Variants in NADK2 observed in about 807,000 individuals in gnomAD.
The protein encoded by NADK2 is NAD kinase 2, mitochondrial.
NADK2 carries 35 observed loss-of-function variants against 62.1 expected under a neutral mutation model. That is an observed-to-expected ratio of 0.56 (90% CI 0.43 to 0.75). NADK2 has a LOEUF of 0.75. NADK2 is among the 30% of genes least tolerant of loss of function. The pLI, the probability that NADK2 is intolerant of heterozygous loss-of-function variation, is 0.00. For synonymous variants in NADK2, 205 were observed against 207.9 expected, an observed-to-expected ratio of 0.99 and a Z score of 0.12; for missense variants, 439 against 561.3, an observed-to-expected ratio of 0.78 and a Z score of 2.20.
At chr5:36,200,419 A>T in intron 9 of NADK2, 139 bp from the exon 10 acceptor site, 1 of 377,318 alleles carries the variant, frequency 2.7e-6, no homozygotes, top group Non-Finnish European at 4.4e-6. Context: ...CATAATAGCT[A>T]ATATAAAACA....
Position 36,227,502 on chromosome 5 carries a change from C to A in NADK2, c.364G>T (p.Val122Leu). The change falls in exon 2 of 12, where the codon GTA becomes TTA. Residue 122 changes from valine (V) to leucine (L), a missense_variant. By Grantham distance (32) the Val-to-Leu change is conservative. Transcript: ENST00000381937. ...CGTAAACTATCTATAATATGTTCTA[C>A]ATTTTTGGTGTGAATATGATGTCGT... ...LERHHIHTKN[V>L]EHIIDSLRNE... 1.3e-6 allele frequency: 2 copies of A among 1,548,564 alleles called. No individual in the cohort carries two copies. Among genetic ancestry groups the A allele is most frequent in the East Asian group, 2.4e-5 (1 of 41,676 alleles).
chr5:36,214,354 A>G (rs943252311), intron 6 of NADK2, among the ~76,000 whole-genome samples: 7 of 152,026 alleles, frequency 4.6e-5, no homozygotes, highest in African/African-American at 1.7e-4. Context: ...CTAATTTTGT[A>G]TTTTTAGTAG....
At position 36,213,618 on chromosome 5, in the gene NADK2, C is replaced by CATATATAT. The variant is rs58371779; in HGVS notation, c.782-1704_782-1697dup. On this transcript the variant is annotated intron_variant, in intron 6 of 11. Transcript: ENST00000381937. Reference sequence around the variant, plus strand: ...TGATACAAAAAGCTATATATGCATGCATATATATATATATGGATTTGATAT... The same window carrying CATATATAT: ...TGATACAAAAAGCTATATATGCATGCATATATATATATATATATATATGGATTTGATAT... Among the ~76,000 whole-genome samples, 11 of 107,552 alleles carry CATATATAT rather than the reference C, an allele frequency of 1.0e-4. No individual in the cohort carries two copies. The South Asian group carries it at 1.4e-3, about 13-fold the overall frequency. 70.6% of individuals were successfully genotyped at this position (107,552 alleles called of 152,430 possible).
intron 8 of NADK2, among the ~76,000 whole-genome samples, chr5:36,201,577 T>C (rs1746448230): frequency 6.6e-6 from 1 of 151,916 alleles, no homozygotes; most frequent in South Asian, 2.1e-4. Flanking sequence ...TTAAAAATAA[T>C]ACAAATATAT....
chr5:36,220,399 T>C lies in NADK2; in HGVS notation c.561-720A>G, dbSNP rs12055219. Reference sequence around the variant, plus strand: ...TGAGAGTATGTGGCACCTAAAGATGTCCAGAAGGCTCAGTCATCATCATTT... The same window carrying C: ...TGAGAGTATGTGGCACCTAAAGATGCCCAGAAGGCTCAGTCATCATCATTT... On this transcript the variant is annotated intron_variant, in intron 4 of 11. Coordinates refer to ENST00000381937, the MANE Select transcript of NADK2 (RefSeq NM_001085411.3). Among the ~76,000 whole-genome samples, 1,850 of 151,540 alleles carry C rather than the reference T, an allele frequency of 0.012. 157 individuals carry two copies. The East Asian group carries it at 0.22, about 18-fold the overall frequency.
intron 6 of NADK2, among the ~76,000 whole-genome samples, chr5:36,214,205 G>A (rs903820355): frequency 1.3e-5 from 2 of 151,948 alleles, no homozygotes; most frequent in Non-Finnish European, 2.9e-5. Flanking sequence ...TTTTGAGATG[G>A]AGTTTAGCTC....
intron 1 of NADK2, among the ~76,000 whole-genome samples, chr5:36,228,541 T>C (rs145492097): frequency 0.012 from 1,827 of 152,154 alleles, 23 homozygotes; most frequent in South Asian, 0.043. Context: ...GATGAGATTA[T>C]AGGCACGTGT....
At chr5:36,215,634 T>G (rs1747013761) in intron 6 of NADK2, among the ~76,000 whole-genome samples, 1 of 152,200 alleles carries the variant, frequency 6.6e-6, no homozygotes. Context: ...TAACTATCAC[T>G]GTACTCTCTA....
At chr5:36,211,533 C>T (rs566219000) in intron 7 of NADK2, among the ~76,000 whole-genome samples, 4 of 144,036 alleles carry the variant, frequency 2.8e-5, no homozygotes, top group East Asian at 2.0e-4. Flanking sequence ...CCAGCCTGGG[C>T]GACAGAGTGA....
intron 1 of NADK2, among the ~76,000 whole-genome samples, chr5:36,236,614 C>A (rs551445191): frequency 1.3e-5 from 2 of 151,736 alleles, no homozygotes; most frequent in Non-Finnish European, 2.9e-5. Flanking sequence ...GGAGAAAAGA[C>A]CTAAAAATGA....
At position 36,241,840 on chromosome 5, in the gene NADK2, TG is replaced by T; in HGVS notation, c.-43del. On this transcript the variant is annotated 5_prime_UTR_variant, in exon 1 of 12. Coordinates refer to ENST00000381937, the MANE Select transcript of NADK2 (RefSeq NM_001085411.3). The surrounding 1 kb of genome is among the most constrained non-coding windows in gnomAD (Gnocchi z 4.9). Reference sequence around the variant, plus strand: ...GCCGCGGGCTTGGGCTCGGGCCCCTTGCCTCAGCTCCCTACCGCCGGGAGTG... The same window carrying T: ...GCCGCGGGCTTGGGCTCGGGCCCCTTCCTCAGCTCCCTACCGCCGGGAGTG... 1 of 1,255,446 alleles carries T rather than the reference TG, an allele frequency of 8.0e-7. No homozygotes were observed. Among genetic ancestry groups the T allele is most frequent in the Non-Finnish European group, 1.0e-6 (1 of 1,000,908 alleles). The allele number at this position is 1,255,446 out of a possible 1,614,324, so 77.8% of individuals were successfully genotyped here.
At chr5:36,238,798 AC>A (rs1172262289) in intron 1 of NADK2, among the ~76,000 whole-genome samples, 1 of 152,258 alleles carries the variant, frequency 6.6e-6, no homozygotes, top group Non-Finnish European at 1.5e-5. Context: ...GGGGAAAAAG[AC>A]AAGATTTTAA....
chr5:36,199,419 G>A (rs905243335), intron 10 of NADK2, among the ~76,000 whole-genome samples: 1 of 151,826 alleles, frequency 6.6e-6, no homozygotes, highest in Admixed American at 6.6e-5. Context: ...TTTGGGTTTG[G>A]AGTTTTATAA....
chr5:36,216,996 A>T (rs530069415), intron 6 of NADK2, among the ~76,000 whole-genome samples: 2 of 152,150 alleles, frequency 1.3e-5, no homozygotes, highest in Non-Finnish European at 2.9e-5. Flanking sequence ...TAACCTATTA[A>T]GCTATAAGTC....
chr5:36,197,971 GGA>G (rs1746295881), intron 10 of NADK2, among the ~76,000 whole-genome samples: 1 of 151,948 alleles, frequency 6.6e-6, no homozygotes, highest in Non-Finnish European at 1.5e-5. Flanking sequence ...AAACAATAGA[GGA>G]ATTAGATAGA....
chr5:36,200,287 A>T lies in NADK2; in HGVS notation c.1013-7T>A, dbSNP rs199611871. ...AAATTTCCTTGTCGTTTTGCTGTTG[A>T]AAAAGGAAAGGGGGAAAATGTATGT... On this transcript the variant is annotated splice_region_variant and splice_polypyrimidine_tract_variant and intron_variant, in intron 9 of 11. Coordinates refer to ENST00000381937, the MANE Select transcript of NADK2 (RefSeq NM_001085411.3). The T allele has an allele frequency of 3.2e-6, 5 of 1,575,954 alleles. No individual in the cohort carries two copies. The highest frequency in any genetic ancestry group is 4.3e-6 in the Non-Finnish European group (5 of 1,159,528).
At chr5:36,234,764 A>G (rs550437683) in intron 1 of NADK2, among the ~76,000 whole-genome samples, 22 of 152,284 alleles carry the variant, frequency 1.4e-4, no homozygotes, top group African/African-American at 5.3e-4. Context: ...TTACTTTCTG[A>G]AACATTTCTA....
chr5:36,241,260 C>T lies in NADK2; in HGVS notation c.300+239G>A, dbSNP rs561126258. The stretch of plus-strand genomic sequence containing the variant: ...GGCGCCCCTGCCTCCTAAGTCCCTG[C>T]ATGAACCACTGTCCCTCTCTCTCCC... On this transcript the variant is annotated intron_variant, in intron 1 of 11. Transcript: ENST00000381937. This position sits in a 1 kb window ranked among gnomAD's most constrained non-coding sequence, Gnocchi z 4.9. 163 of 724,984 alleles carry T rather than the reference C, an allele frequency of 2.2e-4. 4 individuals carry two copies. The South Asian group carries it at 4.7e-3, about 21-fold the overall frequency. The allele number at this position is 724,984 out of a possible 1,614,324, so 44.9% of individuals were successfully genotyped here.
intron 7 of NADK2, among the ~76,000 whole-genome samples, chr5:36,207,937 C>CT (rs1443064513): frequency 6.6e-6 from 1 of 152,000 alleles, no homozygotes; most frequent in Non-Finnish European, 1.5e-5. Context: ...TGGCACTATT[C>CT]TTTAACTCCA....
Sources: allele counts gnomAD v4.1 joint callset (sites outside exome capture counted in the v4.1 genomes callset), GRCh38; gene constraint gnomAD v4.1.1; non-coding constraint Gnocchi (gnomAD v3.1); transcripts MANE v1.5; gene names NCBI Gene and HGNC (gene_info 2026-07-23, HGNC 2026-07-21).